The following TAF4B variants were observed in gnomAD, a reference collection of about 807,000 sequenced individuals.
TAF4B encodes the protein transcription initiation factor TFIID subunit 4B.
In TAF4B, 38 loss-of-function variants were observed where a neutral mutation model predicts 86.4. The ratio of observed to expected loss-of-function variants is 0.44; its 90% CI spans 0.34 to 0.58. The LOEUF (loss-of-function observed/expected upper bound fraction) is 0.58, where lower values mean the gene tolerates loss of function less well. Among genes scored for constraint, TAF4B ranks in the 20% least tolerant of loss-of-function variants. The pLI is 0.02. For synonymous variants in TAF4B, 388 were observed against 391.2 expected (o/e 0.99, Z 0.10); for missense variants, 988 against 1,027.6 (o/e 0.96, Z 0.53).
chr18:26,334,552 T>C (rs1165541930), intron 12 of TAF4B, among the ~76,000 whole-genome samples: 2 of 152,162 alleles, frequency 1.3e-5, no homozygotes, highest in Non-Finnish European at 2.9e-5. Context: ...TCTCTTCTTA[T>C]GCCAGTTCTG....
At chr18:26,370,350 T>C (rs1402554429) in intron 14 of TAF4B, among the ~76,000 whole-genome samples, 2 of 152,188 alleles carry the variant, frequency 1.3e-5, no homozygotes, top group East Asian at 3.8e-4. Flanking sequence ...TGTACAACAT[T>C]TATTGGGAAA....
chr18:26,331,214 G>T (rs1375685336), intron 12 of TAF4B, among the ~76,000 whole-genome samples: 1 of 141,672 alleles, frequency 7.1e-6, no homozygotes, highest in African/African-American at 2.4e-5. Flanking sequence ...GTAATGAGGT[G>T]GTTTATTGGT....
chr18:26,353,572 A>G (rs962546660), intron 13 of TAF4B, among the ~76,000 whole-genome samples: 1 of 152,208 alleles, frequency 6.6e-6, no homozygotes, highest in African/African-American at 2.4e-5. Context: ...TCTCTCTTAA[A>G]GTAAGAAATT....
intron 1 of TAF4B, among the ~76,000 whole-genome samples, chr18:26,259,905 G>T (rs1279366303): frequency 6.6e-6 from 1 of 152,208 alleles, no homozygotes; most frequent in Non-Finnish European, 1.5e-5. Flanking sequence ...CACCAACAGT[G>T]TAAAAGTGTG....
intron 1 of TAF4B, among the ~76,000 whole-genome samples, chr18:26,230,614 T>C (rs2055650119): frequency 2.0e-5 from 3 of 152,234 alleles, no homozygotes; most frequent in South Asian, 2.1e-4. Flanking sequence ...GGTGCTCCTC[T>C]CCTGCGGATC....
chr18:26,231,652 C>T (rs955702708), intron 1 of TAF4B, among the ~76,000 whole-genome samples: 1 of 152,038 alleles, frequency 6.6e-6, no homozygotes. Context: ...TGTGCCCCGT[C>T]TATTGTGTCT....
intron 8 of TAF4B, among the ~76,000 whole-genome samples, chr18:26,293,181 T>C (rs555556463): frequency 1.1e-4 from 17 of 152,282 alleles, no homozygotes; most frequent in South Asian, 8.3e-4. Context: ...CTTTTACCCA[T>C]GATATTTTTA....
Position 26,285,335 on chromosome 18 carries a change from G to A in TAF4B, c.973-547G>A, listed in dbSNP as rs1012019771. 3.4e-5 allele frequency among the ~76,000 whole-genome samples: 5 copies of A among 148,096 alleles called. No homozygotes were observed. In the Admixed American group the frequency reaches 3.4e-4, roughly 10 times the overall value. On this transcript the variant is annotated intron_variant, in intron 6 of 14. Coordinates refer to ENST00000269142, the MANE Select transcript of TAF4B (RefSeq NM_005640.3). ...CCCGAGTAGCTGGGACTACACGTGT[G>A]TGCCACCACGCCTGACTAATTTTTG...
At chr18:26,322,294 A>G (rs1202960410) in intron 11 of TAF4B, among the ~76,000 whole-genome samples, 1 of 152,070 alleles carries the variant, frequency 6.6e-6, no homozygotes, top group Non-Finnish European at 1.5e-5. Flanking sequence ...CTTTCCATTT[A>G]GAACTTTGGA....
intron 6 of TAF4B, among the ~76,000 whole-genome samples, chr18:26,285,222 G>GTTTTTTTTTTTTTGTTTTTTTTTT (rs1555677502): frequency 2.2e-5 from 1 of 45,660 alleles, no homozygotes; most frequent in Non-Finnish European, 4.5e-5. Context: ...TTTTTTTTTT[G>GTTTTTTTTTTTTTGTTTTTTTTTT]TTTTTTTTTT....
intron 13 of TAF4B, among the ~76,000 whole-genome samples, chr18:26,345,857 AAG>A (rs1334256617): frequency 6.6e-6 from 1 of 152,236 alleles, no homozygotes; most frequent in Admixed American, 6.5e-5. Flanking sequence ...ATGCCAGAAA[AAG>A]AATTCAGAAT....
rs139956905 is a variant in TAF4B, at chr18:26,349,923, A to T, written c.2317-7767A>T. 2.0e-5 allele frequency among the ~76,000 whole-genome samples: 3 copies of T among 152,196 alleles called. No individual in the cohort carries two copies. The South Asian group carries it at 6.2e-4, about 31-fold the overall frequency. ...GTTAATCAAGGTGTCTACAGCCAAC[A>T]TATTTTTTGACAAAGGTGCCAGGAA... On this transcript the variant is annotated intron_variant, in intron 13 of 14. Coordinates refer to ENST00000269142, the MANE Select transcript of TAF4B (RefSeq NM_005640.3).
chr18:26,229,311 G>T (rs995128375), intron 1 of TAF4B, among the ~76,000 whole-genome samples: 3 of 152,132 alleles, frequency 2.0e-5, no homozygotes, highest in Admixed American at 2.0e-4. Context: ...TAGAGGAAGT[G>T]GGGATTTGCT....
In TAF4B at chr18:26,389,888, C is replaced by T; in HGVS notation, c.2465C>T (p.Thr822Ile). The T allele has an allele frequency of 6.2e-7, 1 of 1,613,998 alleles. No individual in the cohort carries two copies. Among genetic ancestry groups the T allele is most frequent in the East Asian group, 2.2e-5 (1 of 44,880 alleles). The change falls in exon 15 of 15, where the codon ACA becomes ATA. Residue 822 changes from threonine to isoleucine, a missense_variant. By Grantham distance (89) the Thr-to-Ile change is moderately conservative. Transcript: ENST00000269142. ...CTTGCTTCTGGGACATCCAGCCTGA[C>T]AGCCACCAAACAGTTGCATCGTCCA... ...NLLASGTSSL[T>I]ATKQLHRPRI...
intron 9 of TAF4B, chr18:26,304,734 T>TTATTGCTGA: frequency 1.0e-6 from 1 of 985,466 alleles, no homozygotes; most frequent in Non-Finnish European, 1.2e-6. Flanking sequence ...TAGGATATGC[T>TTATTGCTGA]TATTGCTGAT....
chr18:26,350,618 G>A (rs2057237308), intron 13 of TAF4B, among the ~76,000 whole-genome samples: 1 of 152,192 alleles, frequency 6.6e-6, no homozygotes, highest in South Asian at 2.1e-4. Flanking sequence ...TGAGGCTGCT[G>A]TGAGCCATGA....
At position 26,255,603 on chromosome 18, in the gene TAF4B, C is replaced by CAAAAAAAAAAAAAAAAAAAA. The variant is rs71169836; in HGVS notation, c.344-9552_344-9551insAAAAAAAAAAAAAAAAAAAA. 211 of 486,030 alleles carry CAAAAAAAAAAAAAAAAAAAA rather than the reference C, an allele frequency of 4.3e-4. 5 individuals are homozygous for CAAAAAAAAAAAAAAAAAAAA. The African/African-American group carries it at 6.0e-3, about 14-fold the overall frequency. The allele number at this position is 486,030 out of a possible 1,614,324, so 30.1% of individuals were successfully genotyped here. ...GACAACAAGAGCAAAACTCTGTCTC[C>CAAAAAAAAAAAAAAAAAAAA]AAAAAAAAAAAAAAAGAGGGTCAGT... On this transcript the variant is annotated intron_variant, in intron 1 of 14. Transcript: ENST00000269142.
Position 26,321,044 on chromosome 18 carries a change from G to A in TAF4B, c.2003-26G>A, listed in dbSNP as rs750799841. The A allele has an allele frequency of 1.2e-5, 20 of 1,612,740 alleles. No homozygotes were observed. In the African/African-American group the frequency reaches 1.3e-4, roughly 11 times the overall value. ...CAATTATCAGCCACTACTAAAACAC[G>A]TAATGGATTTTCTCTGCTTCTGCAG... is the stretch of plus-strand genomic sequence containing the variant. On this transcript the variant is annotated intron_variant, in intron 10 of 14. Transcript: ENST00000269142.
chr18:26,291,088 T>G lies in TAF4B; in HGVS notation c.1591-1158T>G, dbSNP rs1208692541. Among the ~76,000 whole-genome samples, 4 of 152,218 alleles carry G rather than the reference T, an allele frequency of 2.6e-5. No individual in the cohort carries two copies. The East Asian group carries it at 7.7e-4, about 29-fold the overall frequency. ...TACTTACCAGGAATGTTGTGTTTCT[T>G]GTTACTTTTTTTAAAGTAATACACA... is the stretch of plus-strand genomic sequence containing the variant. On this transcript the variant is annotated intron_variant, in intron 7 of 14. Transcript: ENST00000269142.
Sources: gnomAD v4.1 joint callset for allele counts (sites outside exome capture counted in the v4.1 genomes callset) on GRCh38, gnomAD v4.1.1 for gene constraint, MANE v1.5 for transcripts, NCBI Gene and HGNC (gene_info 2026-07-23, HGNC 2026-07-21) for gene names.